NFATC1: variants seen among roughly 807,000 people sequenced by gnomAD.
NFATC1 encodes the protein nuclear factor of activated T-cells, cytoplasmic 1.
A neutral mutation model predicts 76.0 loss-of-function variants in NFATC1; 22 were observed. The ratio of observed to expected loss-of-function variants is 0.29; its 90% CI spans 0.21 to 0.41. The LOEUF is 0.41. Among genes scored for constraint, NFATC1 ranks in the 10% least tolerant of loss-of-function variants. The pLI is 1.00. For synonymous variants in NFATC1, 704 were observed against 613.1 expected, an observed-to-expected ratio of 1.15 and a Z score of -2.19; for missense variants, 1,357 against 1,337.7, an observed-to-expected ratio of 1.01 and a Z score of -0.23.
chr18:79,477,235 A>T (rs2089110673), intron 8 of NFATC1, among the ~76,000 whole-genome samples: 1 of 152,256 alleles, frequency 6.6e-6, no homozygotes, highest in South Asian at 2.1e-4. Context: ...TTCTTGTCAT[A>T]CAGCAAACAG....
chr18:79,396,794 T>C (rs2085020555), intron 1 of NFATC1, among the ~76,000 whole-genome samples: 1 of 151,520 alleles, frequency 6.6e-6, no homozygotes, highest in African/African-American at 2.4e-5. Flanking sequence ...TTGGGGGTTC[T>C]GCGCCCCCCA....
chr18:79,504,549 T>C (rs545192687), intron 9 of NFATC1, among the ~76,000 whole-genome samples: 1 of 152,180 alleles, frequency 6.6e-6, no homozygotes, highest in Non-Finnish European at 1.5e-5. Context: ...GCAGCAGATA[T>C]GATAGCAATG....
rs777832128 is a variant in NFATC1, at chr18:79,473,926, GCTCA to G, written c.2092+6347_2092+6350del. 2.4e-4 allele frequency among the ~76,000 whole-genome samples: 33 copies of G among 139,626 alleles called. 1 individual carries two copies. The highest frequency in any genetic ancestry group is 6.9e-4 in the African/African-American group (25 of 36,490). 91.6% of individuals were successfully genotyped at this position (139,626 alleles called of 152,430 possible). On this transcript the variant is annotated intron_variant, in intron 8 of 9. Coordinates refer to ENST00000427363, the MANE Select transcript of NFATC1 (RefSeq NM_001278669.2). Reference sequence around the variant, plus strand: ...CGTTGTGAGGGAAGCGTGTTCTCACGCTCACTGTCGACATTGTAAACCTGAGGGA... The same window carrying G: ...CGTTGTGAGGGAAGCGTGTTCTCACGCTGTCGACATTGTAAACCTGAGGGA...
intron 8 of NFATC1, among the ~76,000 whole-genome samples, chr18:79,472,491 C>G (rs2088827330): frequency 6.6e-6 from 1 of 152,202 alleles, no homozygotes; most frequent in African/African-American, 2.4e-5. Flanking sequence ...TCACTTTGTC[C>G]AAGTCCACTG....
chr18:79,428,470 G>A (rs1015321679), intron 2 of NFATC1, among the ~76,000 whole-genome samples: 11 of 152,194 alleles, frequency 7.2e-5, no homozygotes, highest in African/African-American at 2.7e-4. Context: ...GCCTCACGAT[G>A]CTCACGCCTC....
rs373795780 is a variant in NFATC1 at position 79,483,753 on chromosome 18, G to A, written c.2093-2495G>A. ...CCTGGTCCTGGGGTGTCACTCCAGC[G>A]TGACCTCGTTCCTGAGGTGTCACTC... On this transcript the variant is annotated intron_variant, in intron 8 of 9. Transcript: ENST00000427363. 2.7e-4 allele frequency among the ~76,000 whole-genome samples: 39 copies of A among 145,966 alleles called. 1 individual carries two copies. In the South Asian group the frequency reaches 8.6e-3, roughly 32 times the overall value.
At chr18:79,476,282 G>C (rs1428614672) in intron 8 of NFATC1, among the ~76,000 whole-genome samples, 2 of 152,254 alleles carry the variant, frequency 1.3e-5, no homozygotes, top group Non-Finnish European at 2.9e-5. Context: ...CCCCACCGTG[G>C]CTCTGTGGCT....
At chr18:79,482,332 T>C (rs1424160209) in intron 8 of NFATC1, among the ~76,000 whole-genome samples, 23 of 137,288 alleles carry the variant, frequency 1.7e-4, no homozygotes, top group East Asian at 9.8e-4. Context: ...TGGGGTGTCA[T>C]TCCAGCGTGA....
At chr18:79,483,926 TCCAGCGTGACCTGGTTCCTGGGGTGTCAC>T (rs1328065497) in intron 8 of NFATC1, among the ~76,000 whole-genome samples, 6 of 142,080 alleles carry the variant, frequency 4.2e-5, no homozygotes, top group African/African-American at 1.1e-4. Context: ...GGGGTGTCAC[TCCAGCGTGACCTGGTTCCTGGGGTGTCAC>T]TCCAGGGTGA....
chr18:79,527,438 A>C, intron 9 of NFATC1, 90 bp from the exon 10 acceptor site: 1 of 1,036,270 alleles, frequency 9.6e-7, no homozygotes, highest in Non-Finnish European at 1.5e-6. Flanking sequence ...CACAGGCGTG[A>C]GCGTCACTGA....
At chr18:79,507,899 TG>T (rs1304696338) in intron 9 of NFATC1, among the ~76,000 whole-genome samples, 4 of 152,306 alleles carry the variant, frequency 2.6e-5, no homozygotes, top group East Asian at 3.9e-4. Flanking sequence ...CGCGGGAAGC[TG>T]GGGGCCGTCG....
At chr18:79,453,219 G>T (rs751514494) in intron 6 of NFATC1, among the ~76,000 whole-genome samples, 5 of 152,212 alleles carry the variant, frequency 3.3e-5, no homozygotes, top group Non-Finnish European at 5.9e-5. Flanking sequence ...CTTGGGCCAA[G>T]ACTGGCCAGA....
chr18:79,493,454 C>T (rs1294322538), intron 9 of NFATC1: 3 of 152,262 alleles, frequency 2.0e-5, no homozygotes, highest in Non-Finnish European at 4.4e-5. Flanking sequence ...CCCCGTGTCC[C>T]CTGGGCCGCC....
chr18:79,510,972 G>T (rs139729381), intron 9 of NFATC1, among the ~76,000 whole-genome samples: 1 of 152,226 alleles, frequency 6.6e-6, no homozygotes, highest in African/African-American at 2.4e-5. Context: ...TTGTCGCTGC[G>T]GTGGAAGTGT....
rs77799839 is a variant in NFATC1 at position 79,480,778 on chromosome 18, G to A, written c.2093-5470G>A. On this transcript the variant is annotated intron_variant, in intron 8 of 9. Transcript: ENST00000427363. ...GCTGTGCACGGGGCCTCTAGTGTCC[G>A]CCAGAGCTGGTGGGTGAGAGTTTTT... Among the ~76,000 whole-genome samples the A allele has an allele frequency of 1.8e-3, 280 of 152,312 alleles. 1 individual carries two copies. The highest frequency in any genetic ancestry group is 3.3e-3 in the South Asian group (16 of 4,832).
Position 79,527,292 on chromosome 18 carries a change from G to A in NFATC1, c.2783-236G>A, listed in dbSNP as rs577714185. The A allele has an allele frequency of 3.2e-5, 16 of 500,692 alleles. No individual in the cohort carries two copies. In the South Asian group the frequency reaches 4.2e-4, roughly 13 times the overall value. The allele number at this position is 500,692 out of a possible 1,614,324, so 31.0% of individuals were successfully genotyped here. Reference sequence around the variant, plus strand: ...GCACTTTGGCCGTCAGAGACGTGCTGGTACCGTGCTACGGACGAGGGCGGT... The same window carrying A: ...GCACTTTGGCCGTCAGAGACGTGCTAGTACCGTGCTACGGACGAGGGCGGT... On this transcript the variant is annotated intron_variant, in intron 9 of 9. Transcript: ENST00000427363.
intron 9 of NFATC1, among the ~76,000 whole-genome samples, chr18:79,516,871 C>T (rs1293625057): frequency 1.3e-5 from 2 of 152,148 alleles, no homozygotes. Context: ...ATGTACTTAG[C>T]TCATATCTAC....
chr18:79,489,229 A>ATGGGTG (rs2145078031), intron 9 of NFATC1, among the ~76,000 whole-genome samples: 1 of 152,268 alleles, frequency 6.6e-6, no homozygotes, highest in Admixed American at 6.5e-5. Flanking sequence ...TTGGAGCTGC[A>ATGGGTG]TGGGTGTGGG....
chr18:79,488,621 A>G (rs530216709), intron 9 of NFATC1, among the ~76,000 whole-genome samples: 3 of 152,148 alleles, frequency 2.0e-5, no homozygotes, highest in Non-Finnish European at 4.4e-5. Flanking sequence ...GGAGCTCCGC[A>G]TGGGGCCCAT....
Sources: allele counts gnomAD v4.1 joint callset (sites outside exome capture counted in the v4.1 genomes callset), GRCh38; gene constraint gnomAD v4.1.1; transcripts MANE v1.5; gene names NCBI Gene and HGNC (gene_info 2026-07-23, HGNC 2026-07-21).